The following PRKN variants were observed in gnomAD, a reference collection of about 807,000 sequenced individuals.
The protein encoded by PRKN is parkin RBR E3 ubiquitin protein ligase.
A neutral mutation model predicts 59.5 loss-of-function variants in PRKN; 56 were observed. The ratio of observed to expected loss-of-function variants is 0.94; its 90% CI spans 0.76 to 1.18. The LOEUF (loss-of-function observed/expected upper bound fraction) is 1.18. Ranked by LOEUF, PRKN falls within the 50% of genes most tolerant of loss-of-function variation. The pLI, the probability that PRKN is intolerant of heterozygous loss-of-function variation, is 0.00. For synonymous variants in PRKN, 250 were observed against 222.1 expected, an observed-to-expected ratio of 1.13 and a Z score of -1.12; for missense variants, 657 against 596.4, an observed-to-expected ratio of 1.10 and a Z score of -1.06.
chr6:162,241,795 G>A (rs138228179), intron 3 of PRKN, among the ~76,000 whole-genome samples: 2 of 152,004 alleles, frequency 1.3e-5, no homozygotes, highest in Admixed American at 1.3e-4. Flanking sequence ...ATGAAACTCA[G>A]TGTTTTCTCA....
chr6:161,482,199 T>C (rs1272840238), intron 9 of PRKN, among the ~76,000 whole-genome samples: 2 of 152,194 alleles, frequency 1.3e-5, no homozygotes, highest in Non-Finnish European at 2.9e-5. Context: ...AGCATGTTAC[T>C]CAAGTAGATT....
At chr6:162,556,692 A>G (rs1779616454) in intron 1 of PRKN, among the ~76,000 whole-genome samples, 1 of 144,052 alleles carries the variant, frequency 6.9e-6, no homozygotes. Context: ...GGTTGCTGTG[A>G]GCCGAGATTG....
In PRKN at chr6:161,476,264, G is replaced by GAT. The variant is rs879902184; in HGVS notation, c.1083+72589_1083+72590insAT. Among the ~76,000 whole-genome samples, 782 of 152,062 alleles carry GAT rather than the reference G, an allele frequency of 5.1e-3. 3 individuals are homozygous for GAT. Among genetic ancestry groups the GAT allele is most frequent in the Non-Finnish European group, 6.4e-3 (435 of 68,000 alleles). On this transcript the variant is annotated intron_variant, in intron 9 of 11. Coordinates refer to ENST00000366898, the MANE Select transcript of PRKN (RefSeq NM_004562.3). ...CCAAATGGATCTCTAGTACAAAATG[G>GAT]CTAAAACTCTTTCCCAGGAGTGTGA...
At chr6:161,412,626 T>C (rs191672871) in intron 9 of PRKN, among the ~76,000 whole-genome samples, 1 of 150,492 alleles carries the variant, frequency 6.6e-6, no homozygotes, top group East Asian at 2.0e-4. Flanking sequence ...ACTCACTCAT[T>C]CCTCGGCTCA....
At chr6:162,681,793 G>T (rs1211905940) in intron 1 of PRKN, among the ~76,000 whole-genome samples, 4 of 151,998 alleles carry the variant, frequency 2.6e-5, no homozygotes, top group Non-Finnish European at 5.9e-5. Context: ...AACCTCTAGG[G>T]GGTATTTGGA....
chr6:161,665,769 T>C (rs926438654), intron 7 of PRKN, among the ~76,000 whole-genome samples: 3 of 152,212 alleles, frequency 2.0e-5, no homozygotes, highest in African/African-American at 4.8e-5. Flanking sequence ...CATCGGCCTT[T>C]TCTTCATATT....
intron 5 of PRKN, among the ~76,000 whole-genome samples, chr6:162,042,433 A>C (rs1784101113): frequency 6.7e-6 from 1 of 149,572 alleles, no homozygotes; most frequent in Non-Finnish European, 1.5e-5. Context: ...CTGAGATTAC[A>C]GGCATGTACC....
At chr6:161,897,213 C>T (rs1400586875) in intron 6 of PRKN, among the ~76,000 whole-genome samples, 3 of 152,182 alleles carry the variant, frequency 2.0e-5, no homozygotes. Flanking sequence ...TTCCTAACTG[C>T]AGCCTCCTCA....
At chr6:161,730,595 C>G (rs999461440) in intron 7 of PRKN, among the ~76,000 whole-genome samples, 15 of 144,388 alleles carry the variant, frequency 1.0e-4, no homozygotes, top group African/African-American at 4.1e-4. Context: ...TGATGTGTTG[C>G]ATTCTTTCTG....
intron 2 of PRKN, among the ~76,000 whole-genome samples, chr6:162,325,779 C>T (rs1024585851): frequency 1.3e-5 from 2 of 152,094 alleles, no homozygotes; most frequent in Admixed American, 1.3e-4. Context: ...AAGTTTTATG[C>T]CCTTTAGAAG....
At position 161,999,759 on chromosome 6, in the gene PRKN, A is replaced by G. The variant is rs368846411; in HGVS notation, c.619-26342T>C. 5.9e-5 allele frequency among the ~76,000 whole-genome samples: 9 copies of G among 152,224 alleles called. 2 individuals are homozygous for G. The highest frequency in any genetic ancestry group is 2.2e-4 in the African/African-American group (9 of 41,542). ...TGTGGGAAAACAGGACACTTTGGTCAGCTAATTTCCGCAAACAAGCTTTAG... is the reference window on the plus strand; with the variant it reads ...TGTGGGAAAACAGGACACTTTGGTCGGCTAATTTCCGCAAACAAGCTTTAG... On this transcript the variant is annotated intron_variant, in intron 5 of 11. Coordinates refer to ENST00000366898, the MANE Select transcript of PRKN (RefSeq NM_004562.3).
At chr6:162,330,862 G>A (rs1165041343) in intron 2 of PRKN, among the ~76,000 whole-genome samples, 5 of 152,110 alleles carry the variant, frequency 3.3e-5, no homozygotes, top group Admixed American at 1.3e-4. Context: ...TCAGGAACTC[G>A]TGTTGTGGAG....
chr6:162,323,679 C>G (rs532821521), intron 2 of PRKN, among the ~76,000 whole-genome samples: 1 of 151,854 alleles, frequency 6.6e-6, no homozygotes, highest in East Asian at 1.9e-4. Context: ...ATTAGGGAAA[C>G]GCAAAATAAA....
chr6:162,238,068 A>G (rs1778815676), intron 3 of PRKN, among the ~76,000 whole-genome samples: 1 of 152,220 alleles, frequency 6.6e-6, no homozygotes, highest in Non-Finnish European at 1.5e-5. Flanking sequence ...GTTAATAATT[A>G]CAATTGTACC....
chr6:162,717,806 T>C (rs187292515), intron 1 of PRKN, among the ~76,000 whole-genome samples: 75 of 152,344 alleles, frequency 4.9e-4, no homozygotes, highest in Non-Finnish European at 9.3e-4. Flanking sequence ...AACATGAGCA[T>C]AGTATGCTAC....
At chr6:161,970,557 G>A (rs1026909423) in intron 6 of PRKN, among the ~76,000 whole-genome samples, 10 of 149,816 alleles carry the variant, frequency 6.7e-5, no homozygotes, top group African/African-American at 2.5e-4. Flanking sequence ...TTTTTCTTGA[G>A]ACGGAGTTTC....
chr6:161,667,298 T>C (rs1171601498), intron 7 of PRKN, among the ~76,000 whole-genome samples: 1 of 152,176 alleles, frequency 6.6e-6, no homozygotes, highest in African/African-American at 2.4e-5. Flanking sequence ...TGCTAGACTT[T>C]CTTGCTGGTC....
At chr6:162,638,346 G>A (rs1228847275) in intron 1 of PRKN, among the ~76,000 whole-genome samples, 3 of 152,024 alleles carry the variant, frequency 2.0e-5, no homozygotes, top group Non-Finnish European at 1.5e-5. Context: ...CCAACTCATT[G>A]TAAAGGAGCC....
intron 4 of PRKN, among the ~76,000 whole-genome samples, chr6:162,158,462 C>T (rs1231925230): frequency 1.3e-5 from 2 of 150,640 alleles, no homozygotes; most frequent in Admixed American, 6.6e-5. Context: ...GATGGAATCC[C>T]ACTCTGTCGC....
Sources: allele counts gnomAD v4.1 joint callset (sites outside exome capture counted in the v4.1 genomes callset), GRCh38; gene constraint gnomAD v4.1.1; transcripts MANE v1.5; gene names NCBI Gene and HGNC (gene_info 2026-07-23, HGNC 2026-07-21).